SEMA6B: variants seen among roughly 807,000 people sequenced by gnomAD.
SEMA6B encodes the protein semaphorin-6B.
SEMA6B carries 47 observed loss-of-function variants against 78.6 expected under a neutral mutation model. The ratio of observed to expected loss-of-function variants is 0.60; its 90% CI spans 0.47 to 0.76. The LOEUF (loss-of-function observed/expected upper bound fraction) is 0.76. Among genes scored for constraint, SEMA6B ranks in the 30% least tolerant of loss-of-function variants. The probability of loss-of-function intolerance (pLI) is 0.00; values close to 1 mark genes in which losing one functional copy is unlikely to be tolerated. For missense variants in SEMA6B, 1,213 were observed against 1,269.9 expected, an observed-to-expected ratio of 0.96 and a Z score of 0.68; for synonymous variants, 632 against 592.2, an observed-to-expected ratio of 1.07 and a Z score of -0.98.
chr19:4,548,482 A>C (rs1599775907), intron 12 of SEMA6B, 37 bp from the exon 13 acceptor site: 7 of 1,579,522 alleles, frequency 4.4e-6, no homozygotes, highest in African/African-American at 1.3e-5. Context: ...GGCTGGCCCC[A>C]TATCACCACA....
At chr19:4,551,067 G>C in intron 10 of SEMA6B, 137 bp from the exon 11 acceptor site, 2 of 965,946 alleles carry the variant, frequency 2.1e-6, no homozygotes, top group Non-Finnish European at 3.1e-6. Context: ...TGTCCCTCCC[G>C]CATCTGTCGA....
Position 4,558,093 on chromosome 19 carries a change from C to A in SEMA6B, c.178G>T (p.Glu60Ter). The change falls in exon 3 of 17, where the codon GAA becomes TAA. Residue 60 changes from glutamate (E) to a stop codon, truncating the protein, a stop_gained. Transcript: ENST00000586582. LOFTEE classifies it high-confidence loss of function. This position sits in a 1 kb window ranked among gnomAD's most constrained non-coding sequence, Gnocchi z 5.1. ...TGGATGTTGAGGTCGTCAGCACCTTCTGCGGGGGTCAGGCGTCCGGGCCCG... is the reference window on the plus strand; with the variant it reads ...TGGATGTTGAGGTCGTCAGCACCTTATGCGGGGGTCAGGCGTCCGGGCCCG... ...GSGPGRLTPA[E>*]GADDLNIQRV... 6.5e-7 allele frequency: 1 copy of A among 1,535,668 alleles called. No homozygotes were observed. Among genetic ancestry groups the A allele is most frequent in the Non-Finnish European group, 8.8e-7 (1 of 1,134,162 alleles).
chr19:4,543,373 C>CGGGGGGGGGGGGGGGG lies in SEMA6B; in HGVS notation c.*227_*228insCCCCCCCCCCCCCCCC. On this transcript the variant is annotated 3_prime_UTR_variant, in exon 17 of 17. Transcript: ENST00000586582. Reference sequence around the variant, plus strand: ...TCAACCTCAAATCCATAGCAAAGTCCTCCCGCCCACCCACCCCCAAACCGT... The same window carrying CGGGGGGGGGGGGGGGG: ...TCAACCTCAAATCCATAGCAAAGTCCGGGGGGGGGGGGGGGGTCCCGCCCACCCACCCCCAAACCGT... The CGGGGGGGGGGGGGGGG allele has an allele frequency of 2.5e-6, 1 of 404,068 alleles. No homozygotes were observed. The highest frequency in any genetic ancestry group is 4.4e-6 in the Non-Finnish European group (1 of 229,330). The allele number at this position is 404,068 out of a possible 1,614,324, so 25.0% of individuals were successfully genotyped here.
intron 14 of SEMA6B, 23 bp downstream of exon 14, chr19:4,548,004 G>A (rs767692934): frequency 6.6e-7 from 1 of 1,520,316 alleles, no homozygotes. Context: ...CCCGCCCACG[G>A]CTGGCCTGGG....
At position 4,543,367 on chromosome 19, in the gene SEMA6B, A is replaced by G; in HGVS notation, c.*234T>C. 2 of 412,736 alleles carry G rather than the reference A, an allele frequency of 4.8e-6. No homozygotes were observed. The highest frequency in any genetic ancestry group is 4.3e-6 in the Non-Finnish European group (1 of 234,378). 25.6% of individuals were successfully genotyped at this position (412,736 alleles called of 1,614,324 possible). A position where few individuals can be genotyped will look rare whatever the true frequency, so the allele number is the denominator to read the frequency against. The stretch of plus-strand genomic sequence containing the variant: ...ATAAGGTCAACCTCAAATCCATAGC[A>G]AAGTCCTCCCGCCCACCCACCCCCA... On this transcript the variant is annotated 3_prime_UTR_variant, in exon 17 of 17. Coordinates refer to ENST00000586582, the MANE Select transcript of SEMA6B (RefSeq NM_032108.4).
intron 10 of SEMA6B, among the ~76,000 whole-genome samples, chr19:4,551,899 T>G (rs1568256061): frequency 6.6e-6 from 1 of 151,846 alleles, no homozygotes; most frequent in Non-Finnish European, 1.5e-5. Context: ...CCTCTTGCTC[T>G]TCACTCTTCC....
At position 4,552,367 on chromosome 19, in the gene SEMA6B, T is replaced by A. The variant is rs1860366119; in HGVS notation, c.989+55A>T. 1 of 1,505,470 alleles carries A rather than the reference T, an allele frequency of 6.6e-7. No homozygotes were observed. The highest frequency in any genetic ancestry group is 2.5e-5 in the East Asian group (1 of 40,712). The allele number at this position is 1,505,470 out of a possible 1,614,324, so 93.3% of individuals were successfully genotyped here. A position where few individuals can be genotyped will look rare whatever the true frequency, so the allele number is the denominator to read the frequency against. ...ATACCTGAGGAGTGAATACAGGCCC[T>A]CTCTACCCATGCCCACCAAATGCTC... On this transcript the variant is annotated intron_variant, in intron 10 of 16. Transcript: ENST00000586582. This position sits in a 1 kb window ranked among gnomAD's most constrained non-coding sequence, Gnocchi z 7.4.
At chr19:4,548,588 G>T in intron 12 of SEMA6B, 143 bp from the exon 13 acceptor site, 1 of 779,480 alleles carries the variant, frequency 1.3e-6, no homozygotes, top group Non-Finnish European at 2.0e-6. Flanking sequence ...GTGCATGGAT[G>T]CCGGGGACAT....
At chr19:4,557,712 G>A (rs900376214) in intron 3 of SEMA6B, among the ~76,000 whole-genome samples, 1 of 152,108 alleles carries the variant, frequency 6.6e-6, no homozygotes, top group African/African-American at 2.4e-5. Flanking sequence ...CTTCCACCTG[G>A]TCCAGCCTCA....
chr19:4,544,265 C>G lies in SEMA6B; in HGVS notation c.2003G>C (p.Gly668Ala). Residue 668 changes from glycine (G) to alanine (A), a missense_variant, in exon 17 of 17, where the codon GGC becomes GCC. Physicochemically the swap from Gly to Ala is moderately conservative, Grantham distance 60 (BLOSUM62 0). Coordinates refer to ENST00000586582, the MANE Select transcript of SEMA6B (RefSeq NM_032108.4). The surrounding 1 kb of genome is among the most constrained non-coding windows in gnomAD (Gnocchi z 5.1). ...RAQGPGGRGGGGGGGAGVPPE... is the reference protein window; with the variant it reads ...RAQGPGGRGGAGGGGAGVPPE... ...GGGAACCCCGGCGCCACCGCCACCG[C>G]CTCCGCCCCGGCCCCCGGGACCCTG... 1 of 1,299,360 alleles carries G rather than the reference C, an allele frequency of 7.7e-7. No homozygotes were observed. Among genetic ancestry groups the G allele is most frequent in the Non-Finnish European group, 9.7e-7 (1 of 1,028,170 alleles). 80.5% of individuals were successfully genotyped at this position (1,299,360 alleles called of 1,614,324 possible). A position where few individuals can be genotyped will look rare whatever the true frequency, so the allele number is the denominator to read the frequency against.
Position 4,550,736 on chromosome 19 carries a change from C to A in SEMA6B, c.1121+63G>T. 6.3e-7 allele frequency: 1 copy of A among 1,582,482 alleles called. No individual in the cohort carries two copies. Among genetic ancestry groups the A allele is most frequent in the South Asian group, 1.1e-5 (1 of 88,798 alleles). On this transcript the variant is annotated intron_variant, in intron 11 of 16. Coordinates refer to ENST00000586582, the MANE Select transcript of SEMA6B (RefSeq NM_032108.4). The surrounding 1 kb of genome is among the most constrained non-coding windows in gnomAD (Gnocchi z 6.6). Reference sequence around the variant, plus strand: ...CTAAATAACCACCCGGAAGCCCCAGCCCTCGGCCCTGGGGATCAGGACCTC... The same window carrying A: ...CTAAATAACCACCCGGAAGCCCCAGACCTCGGCCCTGGGGATCAGGACCTC...
At chr19:4,547,816 C>A (rs996009925) in intron 14 of SEMA6B, among the ~76,000 whole-genome samples, 4 of 152,216 alleles carry the variant, frequency 2.6e-5, no homozygotes, top group Non-Finnish European at 5.9e-5. Context: ...CTCACTCCCC[C>A]TTGCTCACTG....
chr19:4,543,867 C>G lies in SEMA6B; in HGVS notation c.2401G>C (p.Val801Leu). The G allele has an allele frequency of 8.3e-7, 1 of 1,207,610 alleles. No individual in the cohort carries two copies. Among genetic ancestry groups the G allele is most frequent in the Non-Finnish European group, 1.0e-6 (1 of 972,664 alleles). 74.8% of individuals were successfully genotyped at this position (1,207,610 alleles called of 1,614,324 possible). ...TCCAAGGGGCCCGTGGGCGCGGACACCACCCGCCGGCGGTCCGGGCTGGCG... is the reference window on the plus strand; with the variant it reads ...TCCAAGGGGCCCGTGGGCGCGGACAGCACCCGCCGGCGGTCCGGGCTGGCG... ...PHASPDRRRVVSAPTGPLDPA... is the reference protein window; with the variant it reads ...PHASPDRRRVLSAPTGPLDPA... Residue 801 changes from valine to leucine, a missense_variant, in exon 17 of 17, where the codon GTG becomes CTG. Transcript: ENST00000586582.
In SEMA6B at chr19:4,544,429, C is replaced by A; in HGVS notation, c.1839G>T (p.Val613=). The change falls in exon 17 of 17, where the codon GTG becomes GTT. Residue 613 remains valine (V), a synonymous_variant. Transcript: ENST00000586582. The surrounding 1 kb of genome is among the most constrained non-coding windows in gnomAD (Gnocchi z 5.1). ...CGAACCAGCCCACGCTGAAGCCGGA[C>A]ACCACGGCTCCCACCACGAAGGCCG... The part of the protein sequence containing the change: ...SVAAFVVGAV[V]SGFSVGWFVG... The A allele has an allele frequency of 6.2e-7, 1 of 1,602,642 alleles. No individual in the cohort carries two copies. The highest frequency in any genetic ancestry group is 8.5e-7 in the Non-Finnish European group (1 of 1,175,532).
At position 4,544,070 on chromosome 19, in the gene SEMA6B, C is replaced by T. The variant is rs1303344421; in HGVS notation, c.2198G>A (p.Arg733His). The change falls in exon 17 of 17, where the codon CGC (arginine) becomes CAC (histidine). Residue 733 changes from arginine to histidine, a missense_variant. Physicochemically the swap from Arg to His is conservative, Grantham distance 29. Transcript: ENST00000586582. The surrounding 1 kb of genome is among the most constrained non-coding windows in gnomAD (Gnocchi z 5.1). ...CAGGGGGTGGCCGTGGTCCCAGGCGCGGGGGCCCAGGGCGTGGGGGTGCGG... is the reference window on the plus strand; with the variant it reads ...CAGGGGGTGGCCGTGGTCCCAGGCGTGGGGGCCCAGGGCGTGGGGGTGCGG... ...PHPHPHALGP[R>H]AWDHGHPLLP... 3 of 1,230,382 alleles carry T rather than the reference C, an allele frequency of 2.4e-6. No individual in the cohort carries two copies. The highest frequency in any genetic ancestry group is 3.2e-5 in the African/African-American group (2 of 62,488). 76.2% of individuals were successfully genotyped at this position (1,230,382 alleles called of 1,614,324 possible).
Position 4,552,393 on chromosome 19 carries a change from C to T in SEMA6B, c.989+29G>A. The T allele has an allele frequency of 6.5e-7, 1 of 1,549,386 alleles. No homozygotes were observed. The highest frequency in any genetic ancestry group is 8.7e-7 in the Non-Finnish European group (1 of 1,145,674). ...CTCTACCCATGCCCACCAAATGCTC[C>T]CAGTTTGCTCCCATTGGTGGGCGCT... On this transcript the variant is annotated intron_variant, in intron 10 of 16. Coordinates refer to ENST00000586582, the MANE Select transcript of SEMA6B (RefSeq NM_032108.4). The surrounding 1 kb of genome is among the most constrained non-coding windows in gnomAD (Gnocchi z 7.4).
Position 4,550,251 on chromosome 19 carries a change from G to A in SEMA6B, c.1143C>T (p.Pro381=), listed in dbSNP as rs756719917. 8.1e-6 allele frequency: 13 copies of A among 1,613,164 alleles called. No homozygotes were observed. The highest frequency in any genetic ancestry group is 2.2e-5 in the South Asian group (2 of 91,074). ...PRPRPGCCAA[P]GMQYNASSAL... is the part of the protein sequence containing the mutation. ...CGCTGGAGGCATTGTACTGCATCCC[G>A]GGGGCTGCGCAGCACCCGGGCCTGG... Residue 381 remains proline (P), a synonymous_variant, in exon 12 of 17, where the codon CCC becomes CCT. Coordinates refer to ENST00000586582, the MANE Select transcript of SEMA6B (RefSeq NM_032108.4). This position sits in a 1 kb window ranked among gnomAD's most constrained non-coding sequence, Gnocchi z 6.6.
chr19:4,550,816 ATCC>A lies in SEMA6B; in HGVS notation c.1101_1103del (p.Glu367del). 1.2e-6 allele frequency: 2 copies of A among 1,613,270 alleles called. No individual in the cohort carries two copies. Among genetic ancestry groups the A allele is most frequent in the Non-Finnish European group, 1.7e-6 (2 of 1,179,936 alleles). On this transcript the variant is annotated inframe_deletion, in exon 11 of 17. Transcript: ENST00000586582. The surrounding 1 kb of genome is among the most constrained non-coding windows in gnomAD (Gnocchi z 6.6). The stretch of plus-strand genomic sequence containing the variant: ...GTTCTCACCGGGGTCGAGGCACCTG[ATCC>A]TCCGGCACCGGCGTCCAGATGGACT...
At position 4,558,468 on chromosome 19, in the gene SEMA6B, A is replaced by T. The variant is rs909092068; in HGVS notation, c.-11T>A. 2.0e-5 allele frequency: 25 copies of T among 1,240,758 alleles called. No individual in the cohort carries two copies. Among genetic ancestry groups the T allele is most frequent in the Non-Finnish European group, 2.3e-5 (23 of 988,830 alleles). The allele number at this position is 1,240,758 out of a possible 1,614,324, so 76.9% of individuals were successfully genotyped here. ...TCGCGGGGTCTGCATGGCGAGGGCC[A>T]GGCGACAGGAGGAGGTGACGCCTGC... is the stretch of plus-strand genomic sequence containing the variant. On this transcript the variant is annotated 5_prime_UTR_variant, in exon 2 of 17. Transcript: ENST00000586582. The surrounding 1 kb of genome is among the most constrained non-coding windows in gnomAD (Gnocchi z 5.1).
Sources: gnomAD v4.1 joint callset for allele counts (sites outside exome capture counted in the v4.1 genomes callset) on GRCh38, gnomAD v4.1.1 for gene constraint, Gnocchi (gnomAD v3.1) non-coding constraint, MANE v1.5 for transcripts, NCBI Gene and HGNC (gene_info 2026-07-23, HGNC 2026-07-21) for gene names.